Variants in PSMA1 observed in about 807,000 individuals in gnomAD.
The protein encoded by PSMA1 is proteasome 20S subunit alpha 1.
In PSMA1, 3 loss-of-function variants were observed where a neutral mutation model predicts 38.4. That is an observed-to-expected ratio of 0.08 (90% CI 0.04 to 0.20). PSMA1 has a LOEUF of 0.20. Among genes scored for constraint, PSMA1 ranks in the 10% least tolerant of loss-of-function variants. The pLI is 1.00. For synonymous variants in PSMA1, 101 were observed against 107.1 expected, an observed-to-expected ratio of 0.94 and a Z score of 0.35; for missense variants, 227 against 325.3, an observed-to-expected ratio of 0.70 and a Z score of 2.32.
intron 4 of PSMA1, 126 bp from the exon 5 acceptor site, chr11:14,514,617 G>A: frequency 2.7e-6 from 2 of 740,746 alleles, no homozygotes; most frequent in South Asian, 5.7e-5. Context: ...AAGAAAAACA[G>A]AAGGTAAGAA....
At chr11:14,540,199 CCACAAATG>C (rs1292637632) in intron 2 of PSMA1, among the ~76,000 whole-genome samples, 2 of 152,144 alleles carry the variant, frequency 1.3e-5, no homozygotes, top group Non-Finnish European at 2.9e-5. Context: ...TTTGCCTGGC[CCACAAATG>C]CACAAAGTTG....
At chr11:14,516,607 G>C (rs568720518) in intron 4 of PSMA1, among the ~76,000 whole-genome samples, 2 of 152,290 alleles carry the variant, frequency 1.3e-5, no homozygotes, top group East Asian at 1.9e-4. Context: ...CTCTGTGTTA[G>C]TGGTTTACAG....
chr11:14,550,573 G>A (rs185626874), intron 2 of PSMA1, among the ~76,000 whole-genome samples: 65 of 152,092 alleles, frequency 4.3e-4, no homozygotes, highest in Non-Finnish European at 6.9e-4. Context: ...GATGGGTACC[G>A]TGAAGGTGTC....
intron 2 of PSMA1, among the ~76,000 whole-genome samples, chr11:14,568,381 T>C (rs758165697): frequency 1.3e-5 from 2 of 152,238 alleles, no homozygotes; most frequent in Non-Finnish European, 2.9e-5. Context: ...TCAACAGGTA[T>C]GTGAAACAAC....
intron 4 of PSMA1, among the ~76,000 whole-genome samples, chr11:14,516,898 C>T (rs1375760940): frequency 6.6e-6 from 1 of 152,058 alleles, no homozygotes; most frequent in Non-Finnish European, 1.5e-5. Flanking sequence ...TGCACTCCAG[C>T]CTGGGTGAGA....
At chr11:14,513,303 T>G (rs1462618063) in intron 7 of PSMA1, among the ~76,000 whole-genome samples, 2 of 152,176 alleles carry the variant, frequency 1.3e-5, no homozygotes, top group African/African-American at 4.8e-5. Flanking sequence ...AGGGCACACT[T>G]CTGACCAAAT....
At chr11:14,587,959 A>G (rs1852368404) in intron 2 of PSMA1, among the ~76,000 whole-genome samples, 2 of 152,220 alleles carry the variant, frequency 1.3e-5, no homozygotes, top group Non-Finnish European at 2.9e-5. Context: ...TCAGCAACTT[A>G]TTGAGCATCT....
intron 1 of PSMA1, among the ~76,000 whole-genome samples, chr11:14,634,064 G>A (rs1419404623): frequency 6.6e-6 from 1 of 152,098 alleles, no homozygotes; most frequent in Non-Finnish European, 1.5e-5. Context: ...GATGAACCTG[G>A]TACCTCAGAT....
At chr11:14,597,716 C>A (rs1048161809) in intron 2 of PSMA1, among the ~76,000 whole-genome samples, 19 of 152,020 alleles carry the variant, frequency 1.2e-4, no homozygotes, top group Admixed American at 1.1e-3. Context: ...GATTCATTGA[C>A]TTTTTGAAGG....
At chr11:14,550,482 T>A (rs1343621151) in intron 2 of PSMA1, among the ~76,000 whole-genome samples, 1 of 152,308 alleles carries the variant, frequency 6.6e-6, no homozygotes, top group East Asian at 1.9e-4. Context: ...AAATCACTCA[T>A]AAAGCCAGTT....
intron 1 of PSMA1, among the ~76,000 whole-genome samples, chr11:14,627,892 C>A (rs1852935254): frequency 6.6e-6 from 1 of 152,164 alleles, no homozygotes; most frequent in South Asian, 2.1e-4. Flanking sequence ...TACTTTATGT[C>A]ACCCATCCTG....
chr11:14,589,401 ATATATATATGTG>A (rs1395201444), intron 2 of PSMA1, among the ~76,000 whole-genome samples: 4 of 147,828 alleles, frequency 2.7e-5, no homozygotes, highest in Middle Eastern at 3.4e-3. Flanking sequence ...ATGTGTGTGT[ATATATATATGTG>A]TATATATATG....
chr11:14,528,367 A>T (rs1851609578), intron 2 of PSMA1, among the ~76,000 whole-genome samples: 1 of 151,984 alleles, frequency 6.6e-6, no homozygotes, highest in African/African-American at 2.4e-5. Context: ...TTCTCAATTC[A>T]TATAAAACCA....
chr11:14,565,746 A>T (rs896079152), intron 2 of PSMA1, among the ~76,000 whole-genome samples: 1 of 152,246 alleles, frequency 6.6e-6, no homozygotes, highest in Non-Finnish European at 1.5e-5. Flanking sequence ...GTAGTAAGCA[A>T]AATGTATATA....
At chr11:14,608,652 G>C (rs1852672397) in intron 2 of PSMA1, among the ~76,000 whole-genome samples, 2 of 146,850 alleles carry the variant, frequency 1.4e-5, no homozygotes, top group African/African-American at 4.9e-5. Context: ...TGAATATAAA[G>C]CAAGATCCTG....
At chr11:14,545,152 G>A (rs1382163695) in intron 2 of PSMA1, among the ~76,000 whole-genome samples, 2 of 152,126 alleles carry the variant, frequency 1.3e-5, no homozygotes, top group East Asian at 3.8e-4. Flanking sequence ...ACTTTAAGTG[G>A]AGAATTTTAT....
intron 2 of PSMA1, among the ~76,000 whole-genome samples, chr11:14,574,001 A>T (rs1852181609): frequency 6.6e-6 from 1 of 152,194 alleles, no homozygotes; most frequent in Non-Finnish European, 1.5e-5. Flanking sequence ...TGCCTCTAAA[A>T]TTCTATGTTC....
At chr11:14,536,724 G>C (rs1851713717) in intron 2 of PSMA1, among the ~76,000 whole-genome samples, 1 of 151,870 alleles carries the variant, frequency 6.6e-6, no homozygotes, top group African/African-American at 2.4e-5. Flanking sequence ...CCATTCTCCT[G>C]CCTCAGCCTC....
At chr11:14,642,968 T>C (rs925091300) in intron 1 of PSMA1, among the ~76,000 whole-genome samples, 1 of 152,042 alleles carries the variant, frequency 6.6e-6, no homozygotes, top group Non-Finnish European at 1.5e-5. Context: ...CAAAGACCAA[T>C]TGCGACAGCA....
Sources: allele counts gnomAD v4.1 joint callset (sites outside exome capture counted in the v4.1 genomes callset), GRCh38; gene constraint gnomAD v4.1.1; transcripts MANE v1.5; gene names NCBI Gene and HGNC (gene_info 2026-07-23, HGNC 2026-07-21).